Variants in SGCZ observed in about 807,000 individuals in gnomAD.
The protein encoded by SGCZ is zeta-sarcoglycan.
In SGCZ, 40 loss-of-function variants were observed where a neutral mutation model predicts 41.3. The ratio of observed to expected loss-of-function variants is 0.97; its 90% CI spans 0.75 to 1.26. The LOEUF is 1.26. Ranked by LOEUF, SGCZ falls within the 50% of genes most tolerant of loss-of-function variation. The probability of loss-of-function intolerance (pLI) is 0.00; values close to 1 mark genes in which losing one functional copy is unlikely to be tolerated. For synonymous variants in SGCZ, 206 were observed against 137.5 expected, an observed-to-expected ratio of 1.50 and a Z score of -3.49; for missense variants, 552 against 369.8, an observed-to-expected ratio of 1.49 and a Z score of -4.04.
intron 1 of SGCZ, among the ~76,000 whole-genome samples, chr8:15,191,170 T>C (rs1800525096): frequency 1.3e-5 from 2 of 152,152 alleles, no homozygotes; most frequent in Admixed American, 1.3e-4. Context: ...TGTTTATTTG[T>C]TCTAGATTAT....
At chr8:15,078,942 A>G (rs1805644246) in intron 1 of SGCZ, among the ~76,000 whole-genome samples, 1 of 152,028 alleles carries the variant, frequency 6.6e-6, no homozygotes, top group Admixed American at 6.6e-5. Context: ...TATGGATTAT[A>G]CCATTTTCTT....
intron 1 of SGCZ, among the ~76,000 whole-genome samples, chr8:14,891,657 C>T (rs988526249): frequency 6.6e-6 from 1 of 152,200 alleles, no homozygotes; most frequent in Non-Finnish European, 1.5e-5. Context: ...AGAGGAATGA[C>T]TCCAATTTTA....
At position 14,275,522 on chromosome 8, in the gene SGCZ, C is replaced by G. The variant is rs146191160; in HGVS notation, c.337-37843G>C. On this transcript the variant is annotated intron_variant, in intron 3 of 7. Transcript: ENST00000382080. ...TTCTCTGTTTGATCACTCAGCACTTCTACTCTTCCTTTTCCTTCTCTGCCA... is the reference window on the plus strand; with the variant it reads ...TTCTCTGTTTGATCACTCAGCACTTGTACTCTTCCTTTTCCTTCTCTGCCA... Among the ~76,000 whole-genome samples, 204 of 152,254 alleles carry G rather than the reference C, an allele frequency of 1.3e-3. 1 individual carries two copies. The highest frequency in any genetic ancestry group is 4.7e-3 in the African/African-American group (197 of 41,564).
At chr8:15,203,579 C>G (rs1269592214) in intron 1 of SGCZ, among the ~76,000 whole-genome samples, 3 of 152,096 alleles carry the variant, frequency 2.0e-5, no homozygotes, top group Non-Finnish European at 4.4e-5. Context: ...ATTTAGAAGA[C>G]TAAAATGATA....
chr8:15,138,318 C>G (rs1318815143), intron 1 of SGCZ, among the ~76,000 whole-genome samples: 1 of 151,986 alleles, frequency 6.6e-6, no homozygotes, highest in Non-Finnish European at 1.5e-5. Flanking sequence ...TCAGATAAGA[C>G]TTTGGAGTTG....
rs116504107 is a variant in SGCZ at position 15,171,575 on chromosome 8, A to C, written c.39+66010T>G. On this transcript the variant is annotated intron_variant, in intron 1 of 7. Coordinates refer to ENST00000382080, the MANE Select transcript of SGCZ (RefSeq NM_139167.4). ...GAGATCCAACTGGGTATTATGTAGA[A>C]ATTCAATTAAGTTCAGATTTCTCTG... 7.7e-3 allele frequency among the ~76,000 whole-genome samples: 1,179 copies of C among 152,308 alleles called. 13 individuals carry two copies. The highest frequency in any genetic ancestry group is 0.025 in the African/African-American group (1,037 of 41,570).
chr8:15,098,288 T>C (rs1039710248), intron 1 of SGCZ, among the ~76,000 whole-genome samples: 4 of 152,168 alleles, frequency 2.6e-5, no homozygotes, highest in Non-Finnish European at 5.9e-5. Flanking sequence ...AATGTGCATA[T>C]TCTTCCTTAC....
intron 4 of SGCZ, among the ~76,000 whole-genome samples, chr8:14,190,014 C>CTTTCTTTTTT (rs757923069): frequency 4.0e-5 from 4 of 100,196 alleles, no homozygotes; most frequent in African/African-American, 1.1e-4. Flanking sequence ...TTCTTTCTTT[C>CTTTCTTTTTT]TTTTTTTTTT....
chr8:14,326,956 C>A (rs1802140229), intron 2 of SGCZ, among the ~76,000 whole-genome samples: 1 of 151,852 alleles, frequency 6.6e-6, no homozygotes, highest in Non-Finnish European at 1.5e-5. Context: ...ACAGGAATGA[C>A]AGAAAGTCAT....
chr8:14,363,194 G>C (rs1026970600), intron 2 of SGCZ, among the ~76,000 whole-genome samples: 1 of 152,122 alleles, frequency 6.6e-6, no homozygotes, highest in Non-Finnish European at 1.5e-5. Context: ...TTTTGATGCA[G>C]ACAGGTCCTA....
At chr8:14,347,252 C>T (rs1802920574) in intron 2 of SGCZ, among the ~76,000 whole-genome samples, 1 of 152,114 alleles carries the variant, frequency 6.6e-6, no homozygotes, top group African/African-American at 2.4e-5. Context: ...AGTGTGGCCT[C>T]TGGCAGAATT....
chr8:14,574,944 A>G (rs1446863118), intron 1 of SGCZ, among the ~76,000 whole-genome samples: 1 of 152,190 alleles, frequency 6.6e-6, no homozygotes, highest in Non-Finnish European at 1.5e-5. Flanking sequence ...AGAACGCACA[A>G]AAATAAAATT....
At chr8:15,103,985 G>A (rs546915703) in intron 1 of SGCZ, among the ~76,000 whole-genome samples, 118 of 152,238 alleles carry the variant, frequency 7.8e-4, no homozygotes, top group Admixed American at 1.1e-3. Context: ...GTGACCGTAC[G>A]CTGGATAAGG....
At position 15,237,575 on chromosome 8, in the gene SGCZ, C is replaced by A. The variant is rs776285866; in HGVS notation, c.39+10G>T. The stretch of plus-strand genomic sequence containing the variant: ...AAGCGGCCGCGAAGCCCGCCCGGAC[C>A]CGCACGTACCTTGAGCTCCTCAATG... On this transcript the variant is annotated intron_variant, in intron 1 of 7. Transcript: ENST00000382080. The A allele has an allele frequency of 8.8e-6, 14 of 1,587,802 alleles. No homozygotes were observed. The highest frequency in any genetic ancestry group is 1.2e-5 in the Non-Finnish European group (14 of 1,165,238).
intron 1 of SGCZ, among the ~76,000 whole-genome samples, chr8:14,869,986 T>C (rs1010795020): frequency 2.0e-5 from 3 of 152,160 alleles, no homozygotes; most frequent in African/African-American, 7.2e-5. Context: ...ATCAATATTG[T>C]TAAAATGGCC....
intron 1 of SGCZ, among the ~76,000 whole-genome samples, chr8:15,150,809 C>T (rs1028044053): frequency 1.3e-5 from 2 of 152,168 alleles, no homozygotes; most frequent in Non-Finnish European, 2.9e-5. Flanking sequence ...TAAGCTAAGG[C>T]TGTGGTTTTT....
At chr8:14,101,932 G>A (rs1231647522) in intron 7 of SGCZ, among the ~76,000 whole-genome samples, 4 of 151,534 alleles carry the variant, frequency 2.6e-5, no homozygotes, top group East Asian at 3.9e-4. Context: ...TCGCTCTGTC[G>A]CCCCAGGCTG....
chr8:14,544,481 A>G (rs1563399330), intron 2 of SGCZ, among the ~76,000 whole-genome samples: 2 of 152,100 alleles, frequency 1.3e-5, no homozygotes, highest in African/African-American at 4.8e-5. Flanking sequence ...CTATAAACGG[A>G]CGTGCAAGTA....
chr8:14,647,392 G>C (rs1218856045), intron 1 of SGCZ, among the ~76,000 whole-genome samples: 1 of 151,888 alleles, frequency 6.6e-6, no homozygotes, highest in East Asian at 1.9e-4. Flanking sequence ...GTTATAAATA[G>C]GAAGAAAAGA....
Sources: allele counts gnomAD v4.1 joint callset (sites outside exome capture counted in the v4.1 genomes callset), GRCh38; gene constraint gnomAD v4.1.1; transcripts MANE v1.5; gene names NCBI Gene and HGNC (gene_info 2026-07-23, HGNC 2026-07-21).